The following ANKRD11 variants were observed in gnomAD, a reference collection of about 807,000 sequenced individuals.
ANKRD11 encodes ankyrin repeat domain 11.
A neutral mutation model predicts 195.7 loss-of-function variants in ANKRD11; 17 were observed. The observed-to-expected ratio is 0.09, with a 90% CI of 0.06 to 0.13. The LOEUF (loss-of-function observed/expected upper bound fraction) is 0.13, where lower values mean the gene tolerates loss of function less well. ANKRD11 is among the 10% of genes least tolerant of loss of function. ANKRD11 has a pLI of 1.00. For missense variants in ANKRD11, 3,735 were observed against 3,566.1 expected, an observed-to-expected ratio of 1.05 and a Z score of -1.21; for synonymous variants, 1,953 against 1,528.1, an observed-to-expected ratio of 1.28 and a Z score of -6.49.
At chr16:89,300,707 C>T (rs2035797353) in intron 4 of ANKRD11, 1 of 540,882 alleles carries the variant, frequency 1.8e-6, no homozygotes, top group Admixed American at 3.6e-5. Flanking sequence ...ACAAACATGA[C>T]GTCAGGAAAA....
At chr16:89,469,652 A>T (rs1427620768) in intron 1 of ANKRD11, among the ~76,000 whole-genome samples, 1 of 150,360 alleles carries the variant, frequency 6.7e-6, no homozygotes, top group Non-Finnish European at 1.5e-5. Flanking sequence ...TAATTCCAGC[A>T]CTTTGGGAGG....
chr16:89,432,444 G>A (rs893393303), intron 1 of ANKRD11, among the ~76,000 whole-genome samples: 6 of 152,020 alleles, frequency 3.9e-5, no homozygotes, highest in Admixed American at 2.0e-4. Context: ...GTGCTGTCTG[G>A]CTGCCTCCCC....
At chr16:89,429,188 G>A (rs931060942) in intron 1 of ANKRD11, among the ~76,000 whole-genome samples, 65 of 126,294 alleles carry the variant, frequency 5.1e-4, no homozygotes, top group African/African-American at 1.9e-3. Flanking sequence ...CAACTCTCAC[G>A]CTCAGACGTT....
intron 2 of ANKRD11, among the ~76,000 whole-genome samples, chr16:89,380,802 C>T (rs564097277): frequency 4.6e-5 from 7 of 152,348 alleles, no homozygotes; most frequent in South Asian, 4.1e-4. Flanking sequence ...GTAACCACCA[C>T]GAGCACTGGG....
intron 2 of ANKRD11, among the ~76,000 whole-genome samples, chr16:89,364,675 A>G (rs567016825): frequency 5.9e-5 from 9 of 152,282 alleles, no homozygotes; most frequent in Non-Finnish European, 1.2e-4. Context: ...AAAAAATCTC[A>G]TAACGTTTAC....
chr16:89,315,503 C>A (rs965530439), intron 3 of ANKRD11, among the ~76,000 whole-genome samples: 1 of 152,184 alleles, frequency 6.6e-6, no homozygotes, highest in African/African-American at 2.4e-5. Flanking sequence ...TCACGACCAC[C>A]AAACCCTGAC....
At chr16:89,417,325 C>G (rs1453836517) in intron 2 of ANKRD11, among the ~76,000 whole-genome samples, 1 of 152,300 alleles carries the variant, frequency 6.6e-6, no homozygotes, top group East Asian at 1.9e-4. Flanking sequence ...ACTTTAAAAC[C>G]ATGACTCACA....
At chr16:89,269,019 C>T (rs1015503029) in intron 12 of ANKRD11, among the ~76,000 whole-genome samples, 7 of 152,238 alleles carry the variant, frequency 4.6e-5, no homozygotes, top group Admixed American at 3.3e-4. Flanking sequence ...CAATTACTTA[C>T]GGCCAGTGAT....
chr16:89,362,397 C>T (rs149432881), intron 2 of ANKRD11, among the ~76,000 whole-genome samples: 67 of 152,234 alleles, frequency 4.4e-4, no homozygotes, highest in African/African-American at 1.5e-3. Flanking sequence ...AGAGAGTGCA[C>T]GAAAGTTCCA....
intron 2 of ANKRD11, among the ~76,000 whole-genome samples, chr16:89,356,353 A>G (rs2152044576): frequency 6.6e-6 from 1 of 152,004 alleles, no homozygotes; most frequent in African/African-American, 2.4e-5. Context: ...GGTGAGAAGG[A>G]TGTGATCCAT....
At chr16:89,387,488 C>A (rs900176433) in intron 2 of ANKRD11, among the ~76,000 whole-genome samples, 2 of 151,388 alleles carry the variant, frequency 1.3e-5, no homozygotes, top group Non-Finnish European at 2.9e-5. Flanking sequence ...CCGGCTAACA[C>A]AGTGAAACCC....
intron 2 of ANKRD11, among the ~76,000 whole-genome samples, chr16:89,335,714 C>CAA (rs1325895074): frequency 1.3e-5 from 2 of 152,232 alleles, no homozygotes; most frequent in Non-Finnish European, 2.9e-5. Context: ...CAGGGGCCTG[C>CAA]AAACAGCAAG....
intron 3 of ANKRD11, among the ~76,000 whole-genome samples, chr16:89,312,227 A>G (rs1182713254): frequency 6.6e-6 from 1 of 152,214 alleles, no homozygotes; most frequent in Non-Finnish European, 1.5e-5. Context: ...ACGTGATGTG[A>G]GAACCTGAGG....
At chr16:89,335,482 G>A (rs2038304688) in intron 2 of ANKRD11, among the ~76,000 whole-genome samples, 2 of 152,212 alleles carry the variant, frequency 1.3e-5, no homozygotes, top group Admixed American at 6.5e-5. Flanking sequence ...TACGCAGTGG[G>A]TTAGGGCAGG....
intron 2 of ANKRD11, among the ~76,000 whole-genome samples, chr16:89,317,548 C>T (rs974539837): frequency 1.3e-5 from 2 of 152,192 alleles, no homozygotes; most frequent in Non-Finnish European, 2.9e-5. Context: ...CCACTCACCA[C>T]CTGGGAAGGA....
In ANKRD11 at chr16:89,281,361, G is replaced by A; in HGVS notation, c.5181C>T (p.Cys1727=). 1 of 1,610,664 alleles carries A rather than the reference G, an allele frequency of 6.2e-7. No homozygotes were observed. Among genetic ancestry groups the A allele is most frequent in the Non-Finnish European group, 8.5e-7 (1 of 1,177,324 alleles). The change falls in exon 9 of 13, where the codon TGC becomes TGT. Residue 1727 remains cysteine (C), a synonymous_variant. Coordinates refer to ENST00000301030, the MANE Select transcript of ANKRD11 (RefSeq NM_013275.6). The surrounding 1 kb of genome is among the most constrained non-coding windows in gnomAD (Gnocchi z 5.5). ...EVMHTPRTPS[C]SADDYADLVF... ...CGAGGTCCGCGTAGTCATCGGCGCT[G>A]CAGGACGGGGTCCTGGGCGTGTGCA...
chr16:89,351,483 T>C (rs561622773), intron 2 of ANKRD11, among the ~76,000 whole-genome samples: 84 of 152,286 alleles, frequency 5.5e-4, no homozygotes, highest in African/African-American at 2.0e-3. Context: ...TGATTCTCAT[T>C]TCATAAATAT....
intron 2 of ANKRD11, among the ~76,000 whole-genome samples, chr16:89,414,609 T>G (rs1324689292): frequency 6.6e-6 from 1 of 152,224 alleles, no homozygotes; most frequent in East Asian, 1.9e-4. Flanking sequence ...GATACGACCG[T>G]GACCACTGTC....
At position 89,268,322 on chromosome 16, in the gene ANKRD11, C is replaced by T; in HGVS notation, c.*156G>A. The T allele has an allele frequency of 2.3e-6, 1 of 440,862 alleles. No individual in the cohort carries two copies. The highest frequency in any genetic ancestry group is 4.0e-6 in the Non-Finnish European group (1 of 253,022). The allele number at this position is 440,862 out of a possible 1,614,324, so 27.3% of individuals were successfully genotyped here. On this transcript the variant is annotated 3_prime_UTR_variant, in exon 13 of 13. Transcript: ENST00000301030. Reference sequence around the variant, plus strand: ...TCACCTCCCCGACGTCTGGACCAGTCTGGAAGGGATGGAGGCGCTGTGGCC... The same window carrying T: ...TCACCTCCCCGACGTCTGGACCAGTTTGGAAGGGATGGAGGCGCTGTGGCC...
Sources: allele counts gnomAD v4.1 joint callset (sites outside exome capture counted in the v4.1 genomes callset), GRCh38; gene constraint gnomAD v4.1.1; non-coding constraint Gnocchi (gnomAD v3.1); transcripts MANE v1.5; gene names NCBI Gene and HGNC (gene_info 2026-07-23, HGNC 2026-07-21).